Variants in USP48 observed in about 807,000 individuals in gnomAD.
The protein encoded by USP48 is ubiquitin specific peptidase 48, also known as ubiquitin carboxyl-terminal hydrolase 48.
A neutral mutation model predicts 150.7 loss-of-function variants in USP48; 43 were observed. The observed-to-expected ratio is 0.29, with a 90% CI of 0.22 to 0.37. The LOEUF is 0.37. USP48 is among the 10% of genes least tolerant of loss of function. The pLI is 1.00. For missense variants in USP48, 813 were observed against 1,249.6 expected, an observed-to-expected ratio of 0.65 and a Z score of 5.27; for synonymous variants, 396 against 425.9, an observed-to-expected ratio of 0.93 and a Z score of 0.86.
chr1:21,741,024 CAT>C (rs2097780304), intron 8 of USP48, among the ~76,000 whole-genome samples: 1 of 152,134 alleles, frequency 6.6e-6, no homozygotes, highest in Admixed American at 6.5e-5. Context: ...AAATCTAACA[CAT>C]ATCTAACTGG....
intron 26 of USP48, among the ~76,000 whole-genome samples, chr1:21,680,577 T>C (rs1440560164): frequency 1.3e-5 from 2 of 152,234 alleles, no homozygotes; most frequent in Non-Finnish European, 2.9e-5. Flanking sequence ...AATGGACATC[T>C]GGCAAGAAAC....
intron 15 of USP48, among the ~76,000 whole-genome samples, chr1:21,708,155 G>A (rs975480061): frequency 6.6e-6 from 1 of 151,536 alleles, no homozygotes; most frequent in South Asian, 2.1e-4. Flanking sequence ...AGAGAGAGAC[G>A]CCATCTCAAA....
At chr1:21,723,572 C>T (rs2097728023) in intron 12 of USP48, among the ~76,000 whole-genome samples, 1 of 150,640 alleles carries the variant, frequency 6.6e-6, no homozygotes, top group African/African-American at 2.4e-5. Flanking sequence ...ATTAACCAGA[C>T]AAGGGCTCAA....
At chr1:21,729,585 C>T in intron 10 of USP48, 119 bp downstream of exon 10, 1 of 1,245,802 alleles carries the variant, frequency 8.0e-7, no homozygotes, top group Non-Finnish European at 1.1e-6. Flanking sequence ...CTTTCACCAA[C>T]ATTCACCTTA....
intron 22 of USP48, among the ~76,000 whole-genome samples, chr1:21,696,454 A>G (rs546173944): frequency 6.6e-6 from 1 of 152,346 alleles, no homozygotes; most frequent in South Asian, 2.1e-4. Context: ...GAGAAGAAGA[A>G]GGGAAAGAAA....
intron 3 of USP48, among the ~76,000 whole-genome samples, chr1:21,753,847 A>G: frequency 6.7e-6 from 1 of 149,754 alleles, no homozygotes; most frequent in Admixed American, 6.7e-5. Context: ...AAAAAAAAAA[A>G]ACTTTAAAAG....
intron 11 of USP48, chr1:21,724,476 G>T: frequency 2.8e-6 from 1 of 355,222 alleles, no homozygotes; most frequent in Non-Finnish European, 5.1e-6. Flanking sequence ...ACAACCTCAT[G>T]CCCTACTGTG....
Position 21,756,319 on chromosome 1 carries a change from A to G in USP48, c.412+227T>C, listed in dbSNP as rs1469901702. On this transcript the variant is annotated intron_variant, in intron 3 of 26. Coordinates refer to ENST00000308271, the MANE Select transcript of USP48 (RefSeq NM_032236.8). The stretch of plus-strand genomic sequence containing the variant: ...AACATAGTGAAACGCTGTCTCTACT[A>G]AAAATACAAAAACTAGCCAGGCGTG... Among the ~76,000 whole-genome samples, 3 of 151,354 alleles carry G rather than the reference A, an allele frequency of 2.0e-5. 1 individual carries two copies. Among genetic ancestry groups the G allele is most frequent in the African/African-American group, 7.3e-5 (3 of 41,140 alleles).
intron 23 of USP48, among the ~76,000 whole-genome samples, chr1:21,692,602 C>A (rs2152502063): frequency 6.6e-6 from 1 of 152,286 alleles, no homozygotes; most frequent in East Asian, 1.9e-4. Flanking sequence ...ATGCTGTCAA[C>A]AACTAATGAA....
At chr1:21,749,910 G>A (rs562365666) in intron 6 of USP48, among the ~76,000 whole-genome samples, 256 of 152,242 alleles carry the variant, frequency 1.7e-3, no homozygotes, top group Non-Finnish European at 3.2e-3. Flanking sequence ...GCTCCGGCCT[G>A]CAAATTTTAT....
At chr1:21,766,184 G>A (rs916265094) in intron 1 of USP48, among the ~76,000 whole-genome samples, 6 of 151,976 alleles carry the variant, frequency 3.9e-5, no homozygotes, top group Non-Finnish European at 5.9e-5. Context: ...CCTGGCCAAC[G>A]TGGCAAAACC....
intron 14 of USP48, 59 bp from the exon 15 acceptor site, chr1:21,715,516 G>A (rs1016383184): frequency 1.8e-5 from 21 of 1,149,678 alleles, no homozygotes; most frequent in Non-Finnish European, 5.1e-6. Flanking sequence ...AAAGTTGAAA[G>A]TAGCAGATAT....
At chr1:21,698,394 T>C (rs2097644136) in intron 22 of USP48, among the ~76,000 whole-genome samples, 1 of 152,210 alleles carries the variant, frequency 6.6e-6, no homozygotes, top group Admixed American at 6.5e-5. Context: ...ATCATATTTA[T>C]AAACGTGAAA....
chr1:21,767,289 T>C (rs1012551738), intron 1 of USP48, among the ~76,000 whole-genome samples: 6 of 152,206 alleles, frequency 3.9e-5, no homozygotes, highest in East Asian at 1.9e-4. Flanking sequence ...CTCAGGATTA[T>C]AGGCATGAGC....
At chr1:21,719,802 G>A (rs1431596041) in intron 14 of USP48, among the ~76,000 whole-genome samples, 1 of 152,148 alleles carries the variant, frequency 6.6e-6, no homozygotes, top group Non-Finnish European at 1.5e-5. Flanking sequence ...AGGAGGCAGA[G>A]GTTGCAGTGA....
chr1:21,709,317 C>T (rs2097683849), intron 15 of USP48, among the ~76,000 whole-genome samples: 1 of 152,006 alleles, frequency 6.6e-6, no homozygotes, highest in South Asian at 2.1e-4. Context: ...AGAATGTAAA[C>T]ATGTATTTCC....
intron 1 of USP48, among the ~76,000 whole-genome samples, chr1:21,770,163 A>G (rs1050851989): frequency 2.0e-5 from 3 of 147,468 alleles, no homozygotes; most frequent in African/African-American, 7.4e-5. Context: ...TCCTCCACCA[A>G]AAAAAAAAAA....
At chr1:21,704,212 T>C in intron 20 of USP48, 50 bp downstream of exon 20, 1 of 1,579,676 alleles carries the variant, frequency 6.3e-7, no homozygotes, top group Non-Finnish European at 8.6e-7. Context: ...CCTTTCTTCT[T>C]AAAATGTCAG....
chr1:21,778,502 C>T lies in USP48; in HGVS notation c.134+4322G>A, dbSNP rs147451668. Among the ~76,000 whole-genome samples the T allele has an allele frequency of 6.1e-5, 9 of 147,892 alleles. No homozygotes were observed. In the South Asian group the frequency reaches 1.1e-3, roughly 18 times the overall value. ...AATATTAAACACAGACATGGTGGTT[C>T]GTGCCTACAGTCCCAGCTACCAGGG... is the stretch of plus-strand genomic sequence containing the variant. On this transcript the variant is annotated intron_variant, in intron 1 of 26. Coordinates refer to ENST00000308271, the MANE Select transcript of USP48 (RefSeq NM_032236.8).
Sources: gnomAD v4.1 joint callset for allele counts (sites outside exome capture counted in the v4.1 genomes callset) on GRCh38, gnomAD v4.1.1 for gene constraint, MANE v1.5 for transcripts, NCBI Gene and HGNC (gene_info 2026-07-23, HGNC 2026-07-21) for gene names.